GBE1: variants seen among roughly 807,000 people sequenced by gnomAD.
The protein encoded by GBE1 is 1,4-alpha-glucan branching enzyme 1.
GBE1 carries 70 observed loss-of-function variants against 88.8 expected under a neutral mutation model. That is an observed-to-expected ratio of 0.79 (90% CI 0.65 to 0.96). The LOEUF (loss-of-function observed/expected upper bound fraction) is 0.96, where lower values mean the gene tolerates loss of function less well. GBE1 is among the 40% of genes least tolerant of loss of function. The pLI is 0.00. For missense variants in GBE1, 872 were observed against 871.0 expected (o/e 1.00, Z -0.01); for synonymous variants, 284 against 300.1 (o/e 0.95, Z 0.56).
chr3:81,638,874 T>C (rs1022939154), intron 7 of GBE1, among the ~76,000 whole-genome samples: 7 of 152,186 alleles, frequency 4.6e-5, no homozygotes, highest in African/African-American at 1.7e-4. Context: ...ATCAGCAACA[T>C]ATCTCTACAG....
At chr3:81,660,662 T>A (rs1004685926) in intron 3 of GBE1, among the ~76,000 whole-genome samples, 3 of 152,052 alleles carry the variant, frequency 2.0e-5, no homozygotes, top group Admixed American at 2.0e-4. Context: ...TGGGGAAATG[T>A]AATGCTACTG....
chr3:81,654,606 T>C (rs1412898780), intron 3 of GBE1: 2 of 152,192 alleles, frequency 1.3e-5, no homozygotes, highest in East Asian at 3.8e-4. Context: ...GCCCCAATTA[T>C]ACTACAAATA....
At chr3:81,648,030 A>G (rs1473493998) in intron 5 of GBE1, among the ~76,000 whole-genome samples, 1 of 152,062 alleles carries the variant, frequency 6.6e-6, no homozygotes, top group Non-Finnish European at 1.5e-5. Context: ...AATTATAATT[A>G]ATACTAAATA....
intron 12 of GBE1, among the ~76,000 whole-genome samples, chr3:81,545,181 C>T (rs1225265291): frequency 1.3e-5 from 2 of 151,966 alleles, no homozygotes; most frequent in East Asian, 1.9e-4. Context: ...AAGTGTGAGG[C>T]ACAGCACAAA....
chr3:81,703,449 T>C (rs1464070429), intron 2 of GBE1, among the ~76,000 whole-genome samples: 1 of 151,970 alleles, frequency 6.6e-6, no homozygotes, highest in African/African-American at 2.4e-5. Flanking sequence ...ACCTGTACTT[T>C]CCAGTAAAGA....
chr3:81,724,680 T>C (rs1008341909), intron 1 of GBE1, among the ~76,000 whole-genome samples: 23 of 152,282 alleles, frequency 1.5e-4, no homozygotes, highest in Middle Eastern at 3.4e-3. Context: ...TTCATCCTTA[T>C]ACATGAAAAT....
Position 81,535,380 on chromosome 3 carries a change from G to A in GBE1, c.1804-55C>T, listed in dbSNP as rs576735826. 3 of 1,505,120 alleles carry A rather than the reference G, an allele frequency of 2.0e-6. No individual in the cohort carries two copies. In the South Asian group the frequency reaches 3.9e-5, roughly 19 times the overall value. The allele number at this position is 1,505,120 out of a possible 1,614,324, so 93.2% of individuals were successfully genotyped here. A position where few individuals can be genotyped will look rare whatever the true frequency, so the allele number is the denominator to read the frequency against. ...AAATAATACCTAGATGCTGCTACAA[G>A]TACATTATTTTTTGTCTTTCTTAAT... On this transcript the variant is annotated intron_variant, in intron 13 of 15. Coordinates refer to ENST00000429644, the MANE Select transcript of GBE1 (RefSeq NM_000158.4).
At chr3:81,725,088 G>A (rs1706089526) in intron 1 of GBE1, among the ~76,000 whole-genome samples, 2 of 152,126 alleles carry the variant, frequency 1.3e-5, no homozygotes, top group African/African-American at 2.4e-5. Context: ...GCTGGTAGAC[G>A]TGTTGCTTCT....
intron 2 of GBE1, among the ~76,000 whole-genome samples, chr3:81,679,292 C>A (rs1283580253): frequency 6.6e-6 from 1 of 152,104 alleles, no homozygotes; most frequent in Non-Finnish European, 1.5e-5. Context: ...GTTCTGAATA[C>A]AGATTAACAA....
chr3:81,664,472 C>G (rs1231524977), intron 3 of GBE1, among the ~76,000 whole-genome samples: 1 of 147,892 alleles, frequency 6.8e-6, no homozygotes, highest in African/African-American at 2.5e-5. Flanking sequence ...GCCAGCACTA[C>G]GAAGACAAAT....
rs1703774574 is a variant in GBE1, at chr3:81,584,557, A to G, written c.1335+1535T>C. Reference sequence around the variant, plus strand: ...GGTGATACAATAAGAATTTTAAATAATTACATAAAATAGAAGATGATAACT... The same window carrying G: ...GGTGATACAATAAGAATTTTAAATAGTTACATAAAATAGAAGATGATAACT... On this transcript the variant is annotated intron_variant, in intron 10 of 15. Transcript: ENST00000429644. 2.0e-5 allele frequency among the ~76,000 whole-genome samples: 3 copies of G among 152,234 alleles called. No homozygotes were observed. In the South Asian group the frequency reaches 6.2e-4, roughly 31 times the overall value.
At chr3:81,636,843 G>C (rs1481147246) in intron 7 of GBE1, among the ~76,000 whole-genome samples, 2 of 151,972 alleles carry the variant, frequency 1.3e-5, no homozygotes, top group African/African-American at 4.8e-5. Context: ...ATTTGTTTTT[G>C]TAAAGCATAT....
intron 1 of GBE1, among the ~76,000 whole-genome samples, chr3:81,721,254 AAAAG>A (rs1367823763): frequency 2.9e-5 from 3 of 102,216 alleles, no homozygotes; most frequent in Admixed American, 9.6e-5. Flanking sequence ...AAAAAAAAAA[AAAAG>A]AAAGAAAACC....
rs761622630 is a variant in GBE1, at chr3:81,720,340, GTA to G, written c.144-14729_144-14728del. Among the ~76,000 whole-genome samples, 423 of 144,524 alleles carry G rather than the reference GTA, an allele frequency of 2.9e-3. 4 individuals carry two copies. Among genetic ancestry groups the G allele is most frequent in the Non-Finnish European group, 3.7e-3 (249 of 67,252 alleles). The allele number at this position is 144,524 out of a possible 152,430, so 94.8% of individuals were successfully genotyped here. A position where few individuals can be genotyped will look rare whatever the true frequency, so the allele number is the denominator to read the frequency against. On this transcript the variant is annotated intron_variant, in intron 1 of 15. Coordinates refer to ENST00000429644, the MANE Select transcript of GBE1 (RefSeq NM_000158.4). ...ATACACACACGCACACACTGTGTGT[GTA>G]TGTGTATGTGTGTGTGTGTGTATAT...
At chr3:81,649,666 A>G in intron 4 of GBE1, 130 bp downstream of exon 4, 1 of 655,696 alleles carries the variant, frequency 1.5e-6, no homozygotes, top group Non-Finnish European at 2.5e-6. Flanking sequence ...TAAAAGGAAT[A>G]CTATGATGTA....
intron 3 of GBE1, among the ~76,000 whole-genome samples, chr3:81,666,755 T>A (rs1248687649): frequency 2.0e-5 from 3 of 152,182 alleles, no homozygotes. Flanking sequence ...ACATAAATGA[T>A]CTACTCAAAT....
chr3:81,604,355 T>A (rs1408833584), intron 7 of GBE1, among the ~76,000 whole-genome samples: 1 of 145,262 alleles, frequency 6.9e-6, no homozygotes, highest in East Asian at 2.2e-4. Flanking sequence ...TGGCACCATC[T>A]CATCTCACTA....
intron 1 of GBE1, among the ~76,000 whole-genome samples, chr3:81,748,536 G>A (rs1446414056): frequency 3.9e-5 from 6 of 151,988 alleles, no homozygotes; most frequent in African/African-American, 7.3e-5. Context: ...GCGTGAACCC[G>A]GGAGGCGGAG....
At chr3:81,738,525 T>TG (rs1706304071) in intron 1 of GBE1, among the ~76,000 whole-genome samples, 2 of 150,618 alleles carry the variant, frequency 1.3e-5, no homozygotes, top group Non-Finnish European at 2.9e-5. Flanking sequence ...AAAAAATGTG[T>TG]GTTTTTTTTT....
Sources: allele counts gnomAD v4.1 joint callset (sites outside exome capture counted in the v4.1 genomes callset), GRCh38; gene constraint gnomAD v4.1.1; transcripts MANE v1.5; gene names NCBI Gene and HGNC (gene_info 2026-07-23, HGNC 2026-07-21).